USH2A: variants seen among roughly 807,000 people sequenced by gnomAD.
USH2A encodes the protein Usher syndrome 2A (autosomal recessive, mild).
USH2A carries 443 observed loss-of-function variants against 538.9 expected under a neutral mutation model. The ratio of observed to expected loss-of-function variants is 0.82; its 90% CI spans 0.76 to 0.89. The LOEUF (loss-of-function observed/expected upper bound fraction) is 0.89, where lower values mean the gene tolerates loss of function less well. Among genes scored for constraint, USH2A ranks in the 40% least tolerant of loss-of-function variants. The probability of loss-of-function intolerance (pLI) is 0.00; values close to 1 mark genes in which losing one functional copy is unlikely to be tolerated. For synonymous variants in USH2A, 2,413 were observed against 2,273.5 expected (o/e 1.06, Z -1.75); for missense variants, 6,633 against 6,324.8 (o/e 1.05, Z -1.65).
At chr1:216,395,198 C>T (rs996875483) in intron 3 of USH2A, among the ~76,000 whole-genome samples, 58 of 152,290 alleles carry the variant, frequency 3.8e-4, no homozygotes, top group African/African-American at 1.3e-3. Context: ...TTGAGGCTGA[C>T]AATTCTATGT....
rs544306255 is a variant in USH2A, at chr1:216,004,873, T to C, written c.6326-4311A>G. ...AACTTGGAACAGAGACAATCTATAG[T>C]AATGGGAGGGGATGCAGACTATGTG... On this transcript the variant is annotated intron_variant, in intron 32 of 71. Transcript: ENST00000307340. Among the ~76,000 whole-genome samples, 6 of 152,216 alleles carry C rather than the reference T, an allele frequency of 3.9e-5. No individual in the cohort carries two copies. In the East Asian group the frequency reaches 1.2e-3, roughly 29 times the overall value.
intron 32 of USH2A, among the ~76,000 whole-genome samples, chr1:216,030,880 T>A (rs2102511336): frequency 6.6e-6 from 1 of 151,558 alleles, no homozygotes; most frequent in South Asian, 2.1e-4. Context: ...ATCAAAGGAA[T>A]TTTGTCCTTT....
Position 215,650,681 on chromosome 1 carries a change from C to T in USH2A, c.14254G>A (p.Val4752Met), listed in dbSNP as rs770161970. Reference protein sequence around the residue: ...TFHVISSTQAVVNISAPGKPN... With the variant: ...TFHVISSTQAMVNISAPGKPN... Reference sequence around the variant, plus strand: ...TTCCCAGGGGCACTGATGTTGACCACTGCTTGGGTAGAAGAGATCACATGG... The same window carrying T: ...TTCCCAGGGGCACTGATGTTGACCATTGCTTGGGTAGAAGAGATCACATGG... The change falls in exon 65 of 72, where the codon GTG becomes ATG. Residue 4752 changes from valine (V) to methionine (M), a missense_variant. Physicochemically the swap from Val to Met is conservative, Grantham distance 21. Coordinates refer to ENST00000307340, the MANE Select transcript of USH2A (RefSeq NM_206933.4). The T allele has an allele frequency of 5.0e-6, 8 of 1,613,980 alleles. No homozygotes were observed. The highest frequency in any genetic ancestry group is 4.4e-5 in the South Asian group (4 of 91,090).
At chr1:216,302,705 T>C (rs185631153) in intron 9 of USH2A, among the ~76,000 whole-genome samples, 230 of 152,238 alleles carry the variant, frequency 1.5e-3, no homozygotes, top group Non-Finnish European at 2.8e-3. Context: ...TATAAGTGGC[T>C]ATTTTTAGAA....
intron 20 of USH2A, among the ~76,000 whole-genome samples, chr1:216,185,109 G>A (rs978242274): frequency 1.3e-5 from 2 of 151,834 alleles, no homozygotes; most frequent in African/African-American, 4.8e-5. Context: ...TTTTAAGAGG[G>A]CCCAGTTCAT....
At chr1:216,140,858 A>T (rs76720438) in intron 21 of USH2A, among the ~76,000 whole-genome samples, 9,271 of 152,260 alleles carry the variant, frequency 0.061, 362 homozygotes, top group East Asian at 0.18. Flanking sequence ...GTGGACCCAA[A>T]GGCCACAGGC....
At chr1:215,800,950 T>A (rs1214797504) in intron 49 of USH2A, among the ~76,000 whole-genome samples, 2 of 152,088 alleles carry the variant, frequency 1.3e-5, no homozygotes, top group East Asian at 3.9e-4. Flanking sequence ...GCGGGATATA[T>A]CCCTGGAATA....
intron 38 of USH2A, among the ~76,000 whole-genome samples, chr1:215,904,949 G>A (rs920857236): frequency 2.6e-5 from 4 of 151,830 alleles, no homozygotes; most frequent in Non-Finnish European, 5.9e-5. Context: ...AATGATATAC[G>A]CCACTGGACT....
chr1:216,264,322 G>A (rs61828079), intron 11 of USH2A, among the ~76,000 whole-genome samples: 1 of 151,328 alleles, frequency 6.6e-6, no homozygotes, highest in Admixed American at 6.6e-5. Flanking sequence ...TTTTGAGGTG[G>A]GGTCTCTCTC....
intron 35 of USH2A, among the ~76,000 whole-genome samples, chr1:215,988,086 C>G (rs923097501): frequency 3.3e-5 from 5 of 151,228 alleles, no homozygotes; most frequent in Non-Finnish European, 7.4e-5. Context: ...TTAAGTGTAC[C>G]ATTGTGTTAT....
intron 38 of USH2A, among the ~76,000 whole-genome samples, chr1:215,912,474 T>TAC (rs1553275491): frequency 1.2e-3 from 18 of 15,142 alleles, no homozygotes; most frequent in African/African-American, 3.4e-3. Context: ...TATATATATA[T>TAC]ACGTATATAT....
chr1:216,189,366 C>T (rs1009079536), intron 20 of USH2A, among the ~76,000 whole-genome samples: 17 of 151,944 alleles, frequency 1.1e-4, no homozygotes, highest in South Asian at 2.1e-4. Context: ...CATGAATTTT[C>T]GTAATATCTG....
At chr1:216,196,824 AC>A (rs2034857974) in intron 18 of USH2A, 102 bp from the exon 19 acceptor site, 3 of 1,346,086 alleles carry the variant, frequency 2.2e-6, no homozygotes, top group Non-Finnish European at 2.1e-6. Flanking sequence ...AAATACCTTT[AC>A]CTTTTAAAAT....
At chr1:215,882,033 A>G (rs1453520676) in intron 41 of USH2A, among the ~76,000 whole-genome samples, 1 of 152,216 alleles carries the variant, frequency 6.6e-6, no homozygotes, top group Non-Finnish European at 1.5e-5. Flanking sequence ...AGTAACACCC[A>G]AAAGCATAGT....
intron 47 of USH2A, among the ~76,000 whole-genome samples, chr1:215,826,971 G>A (rs557761055): frequency 6.6e-6 from 1 of 152,088 alleles, no homozygotes; most frequent in African/African-American, 2.4e-5. Flanking sequence ...TATGCAGGAT[G>A]GTGGTACATT....
At chr1:215,905,681 G>C (rs1665623229) in intron 38 of USH2A, among the ~76,000 whole-genome samples, 1 of 151,986 alleles carries the variant, frequency 6.6e-6, no homozygotes, top group South Asian at 2.1e-4. Context: ...ACTATCAGTT[G>C]TTCATCCAGG....
intron 35 of USH2A, among the ~76,000 whole-genome samples, chr1:215,989,534 A>G (rs1667956090): frequency 6.6e-6 from 1 of 152,172 alleles, no homozygotes; most frequent in African/African-American, 2.4e-5. Context: ...GTAGGTCATC[A>G]AAATACATAT....
chr1:215,873,340 C>T (rs998978181), intron 43 of USH2A, among the ~76,000 whole-genome samples: 3 of 152,156 alleles, frequency 2.0e-5, no homozygotes, highest in African/African-American at 7.2e-5. Flanking sequence ...ACGGGAGAAG[C>T]TTTCCTTTCA....
At chr1:215,819,203 T>G (rs1282713279) in intron 47 of USH2A, among the ~76,000 whole-genome samples, 5 of 151,824 alleles carry the variant, frequency 3.3e-5, no homozygotes, top group Admixed American at 6.6e-5. Context: ...ATCTCACAAC[T>G]TATGTTGGAT....
Sources: gnomAD v4.1 joint callset for allele counts (sites outside exome capture counted in the v4.1 genomes callset) on GRCh38, gnomAD v4.1.1 for gene constraint, MANE v1.5 for transcripts, NCBI Gene and HGNC (gene_info 2026-07-23, HGNC 2026-07-21) for gene names.